The following ITSN2 variants were observed in gnomAD, a reference collection of about 807,000 sequenced individuals.
The protein encoded by ITSN2 is intersectin-2.
ITSN2 carries 156 observed loss-of-function variants against 243.7 expected under a neutral mutation model. The observed-to-expected ratio is 0.64, with a 90% CI of 0.56 to 0.73. The LOEUF is 0.73. Among genes scored for constraint, ITSN2 ranks in the 30% least tolerant of loss-of-function variants. ITSN2 has a pLI of 0.00. For missense variants in ITSN2, 1,801 were observed against 1,996.1 expected, an observed-to-expected ratio of 0.90 and a Z score of 1.86; for synonymous variants, 703 against 699.9, an observed-to-expected ratio of 1.00 and a Z score of -0.07.
intron 21 of ITSN2, 61 bp from the exon 22 acceptor site, chr2:24,261,311 C>A: frequency 8.1e-7 from 1 of 1,237,288 alleles, no homozygotes; most frequent in Non-Finnish European, 1.1e-6. Flanking sequence ...TGAAGTACTA[C>A]CAATTTATCA....
chr2:24,315,074 T>C, intron 3 of ITSN2, 58 bp downstream of exon 3: 1 of 794,334 alleles, frequency 1.3e-6, no homozygotes, highest in Non-Finnish European at 2.0e-6. Flanking sequence ...TTAAAACTAA[T>C]TCTTAGATAT....
intron 17 of ITSN2, among the ~76,000 whole-genome samples, chr2:24,277,730 C>T (rs1447603059): frequency 6.6e-6 from 1 of 152,104 alleles, no homozygotes. Flanking sequence ...AATTATGGTA[C>T]AAGGGTGTCC....
intron 37 of ITSN2, among the ~76,000 whole-genome samples, chr2:24,207,091 A>G (rs545191516): frequency 6.3e-4 from 96 of 152,132 alleles, no homozygotes; most frequent in African/African-American, 2.2e-3. Flanking sequence ...GTGTGGGGTA[A>G]GAAATGTGTC....
intron 1 of ITSN2, among the ~76,000 whole-genome samples, chr2:24,358,377 A>G (rs1188458933): frequency 1.3e-5 from 2 of 152,200 alleles, no homozygotes; most frequent in South Asian, 2.1e-4. Flanking sequence ...TTTTGATGGG[A>G]AGATAATAAT....
At chr2:24,253,015 GAT>G (rs1392023431) in intron 24 of ITSN2, among the ~76,000 whole-genome samples, 1 of 152,178 alleles carries the variant, frequency 6.6e-6, no homozygotes, top group African/African-American at 2.4e-5. Flanking sequence ...GCTCCATCCT[GAT>G]GACCCAGCTC....
At chr2:24,230,534 G>A (rs900393944) in intron 29 of ITSN2, among the ~76,000 whole-genome samples, 3 of 152,248 alleles carry the variant, frequency 2.0e-5, no homozygotes, top group Middle Eastern at 3.4e-3. Flanking sequence ...TTGGGAGGCC[G>A]AGGTGGGTGG....
At chr2:24,217,581 G>C (rs995284322) in intron 31 of ITSN2, among the ~76,000 whole-genome samples, 4 of 152,196 alleles carry the variant, frequency 2.6e-5, no homozygotes, top group African/African-American at 9.6e-5. Context: ...AGTTTTATCT[G>C]CGCCGTGAGC....
At chr2:24,258,616 T>TTA (rs1462670911) in intron 22 of ITSN2, among the ~76,000 whole-genome samples, 32 of 152,300 alleles carry the variant, frequency 2.1e-4, no homozygotes, top group African/African-American at 7.5e-4. Context: ...AACTCTTCAC[T>TTA]TATTCTCCAA....
intron 18 of ITSN2, among the ~76,000 whole-genome samples, chr2:24,274,257 G>A (rs181296136): frequency 1.9e-4 from 29 of 152,116 alleles, no homozygotes; most frequent in Non-Finnish European, 1.2e-4. Flanking sequence ...CTATTATCTC[G>A]TTAGGAGGCC....
chr2:24,338,902 G>C (rs1021603585), intron 1 of ITSN2, among the ~76,000 whole-genome samples: 1 of 152,204 alleles, frequency 6.6e-6, no homozygotes, highest in African/African-American at 2.4e-5. Flanking sequence ...CACTACTTGA[G>C]AGGTAAATCA....
At chr2:24,311,225 A>T (rs1304067745) in intron 5 of ITSN2, among the ~76,000 whole-genome samples, 2 of 152,236 alleles carry the variant, frequency 1.3e-5, no homozygotes, top group Non-Finnish European at 1.5e-5. Flanking sequence ...TGTAAGTAAC[A>T]TTCCTATGAA....
intron 17 of ITSN2, among the ~76,000 whole-genome samples, chr2:24,280,027 TG>T (rs2151514069): frequency 6.6e-6 from 1 of 152,254 alleles, no homozygotes; most frequent in Non-Finnish European, 1.5e-5. Context: ...CCACAGTACC[TG>T]GCCAGATGTG....
chr2:24,305,156 T>G (rs1682324322), intron 8 of ITSN2, among the ~76,000 whole-genome samples: 1 of 152,194 alleles, frequency 6.6e-6, no homozygotes, highest in Non-Finnish European at 1.5e-5. Flanking sequence ...TCTTCAAAGA[T>G]ATGAACCATG....
intron 37 of ITSN2, chr2:24,205,842 A>C: frequency 6.2e-6 from 1 of 162,172 alleles, no homozygotes; most frequent in Admixed American, 5.9e-5. Flanking sequence ...TGTAAATTAT[A>C]TTATTTAAAC....
chr2:24,326,354 A>G (rs1685154520), intron 2 of ITSN2, among the ~76,000 whole-genome samples: 1 of 152,188 alleles, frequency 6.6e-6, no homozygotes, highest in Admixed American at 6.5e-5. Flanking sequence ...AGATATATAA[A>G]TGTTTATGGA....
At chr2:24,303,182 T>A (rs1242698087) in intron 9 of ITSN2, among the ~76,000 whole-genome samples, 1 of 152,058 alleles carries the variant, frequency 6.6e-6, no homozygotes, top group Non-Finnish European at 1.5e-5. Context: ...AAAAAAAAAG[T>A]TAACTGTAAG....
At chr2:24,311,355 A>G (rs1347852115) in intron 5 of ITSN2, among the ~76,000 whole-genome samples, 1 of 152,210 alleles carries the variant, frequency 6.6e-6, no homozygotes, top group African/African-American at 2.4e-5. Context: ...TCACTAAAAT[A>G]GTGAAATAAT....
intron 1 of ITSN2, among the ~76,000 whole-genome samples, chr2:24,348,272 T>G (rs1158287537): frequency 6.8e-6 from 1 of 146,734 alleles, no homozygotes; most frequent in East Asian, 2.0e-4. Flanking sequence ...CCTTCTGGGT[T>G]CAAGCGATTC....
At chr2:24,305,879 C>G (rs530852224) in intron 8 of ITSN2, among the ~76,000 whole-genome samples, 15 of 152,282 alleles carry the variant, frequency 9.9e-5, no homozygotes, top group African/African-American at 3.1e-4. Context: ...CAGTTGGCTC[C>G]CCATTCACTG....
Sources: allele counts gnomAD v4.1 joint callset (sites outside exome capture counted in the v4.1 genomes callset), GRCh38; gene constraint gnomAD v4.1.1; transcripts MANE v1.5; gene names NCBI Gene and HGNC (gene_info 2026-07-23, HGNC 2026-07-21).